RPS6KA2: variants seen among roughly 807,000 people sequenced by gnomAD.
RPS6KA2 encodes the protein ribosomal protein S6 kinase alpha-2.
In RPS6KA2, 42 loss-of-function variants were observed where a neutral mutation model predicts 91.8. The observed-to-expected ratio is 0.46, with a 90% CI of 0.36 to 0.59. RPS6KA2 has a LOEUF of 0.59. Among genes scored for constraint, RPS6KA2 ranks in the 20% least tolerant of loss-of-function variants. The pLI is 0.00. For missense variants in RPS6KA2, 798 were observed against 978.5 expected, an observed-to-expected ratio of 0.82 and a Z score of 2.46; for synonymous variants, 414 against 393.6, an observed-to-expected ratio of 1.05 and a Z score of -0.61.
rs1790705574 is a variant in RPS6KA2, at chr6:166,737,625, A to G, written c.123+120575T>C. Among the ~76,000 whole-genome samples the G allele has an allele frequency of 6.6e-6, 1 of 152,284 alleles. No homozygotes were observed. Among genetic ancestry groups the G allele is most frequent in the Admixed American group, 6.5e-5 (1 of 15,292 alleles). ...TACTGACTCCTTTTAAGCTTCTAAG[A>G]CATTCACTGAGGGGCCCCTCCCAGC... On this transcript the variant is annotated intron_variant, in intron 2 of 21. Coordinates refer to the RPS6KA2 transcript ENST00000503859. This position sits in a 1 kb window ranked among gnomAD's most constrained non-coding sequence, Gnocchi z 4.3.
chr6:166,517,455 G>GTTTTTTTTTTTT (rs71032809), intron 3 of RPS6KA2, among the ~76,000 whole-genome samples: 7 of 104,934 alleles, frequency 6.7e-5, no homozygotes, highest in African/African-American at 1.3e-4. Flanking sequence ...CTTTTGTTTT[G>GTTTTTTTTTTTT]TTTTTTTTTT....
intron 1 of RPS6KA2, among the ~76,000 whole-genome samples, chr6:166,601,757 T>C (rs1004206160): frequency 2.0e-5 from 3 of 152,178 alleles, no homozygotes; most frequent in Non-Finnish European, 2.9e-5. Context: ...ATGCAAGTCA[T>C]TAAAGACCAA....
intron 2 of RPS6KA2, among the ~76,000 whole-genome samples, chr6:166,711,080 G>A (rs1789831648): frequency 6.6e-6 from 1 of 151,746 alleles, no homozygotes; most frequent in African/African-American, 2.4e-5. Context: ...CCCCAGGGGT[G>A]GTGTCCACTG....
chr6:166,430,296 G>A lies in RPS6KA2; in HGVS notation c.1581+157C>T, dbSNP rs115257979. Among the ~76,000 whole-genome samples, 685 of 152,120 alleles carry A rather than the reference G, an allele frequency of 4.5e-3. 10 individuals carry two copies. The highest frequency in any genetic ancestry group is 0.016 in the African/African-American group (661 of 41,484). On this transcript the variant is annotated intron_variant, in intron 16 of 20. Coordinates refer to ENST00000265678, the MANE Select transcript of RPS6KA2 (RefSeq NM_021135.6). ...AAGAGAATTTTTCTTCCCTTGCACC[G>A]TCACTGAGCCTCCAGACACAAGAGA... is the stretch of plus-strand genomic sequence containing the variant.
At chr6:166,657,064 C>T (rs1408534802) in intron 2 of RPS6KA2, among the ~76,000 whole-genome samples, 2 of 152,086 alleles carry the variant, frequency 1.3e-5, no homozygotes, top group South Asian at 4.1e-4. Context: ...CGGGAAGAGC[C>T]CCACCCCCAA....
intron 1 of RPS6KA2, chr6:166,586,245 C>T (rs1583302895): frequency 2.5e-6 from 4 of 1,595,316 alleles, no homozygotes; most frequent in East Asian, 2.2e-5. Context: ...CTGATTGGAT[C>T]GATTGTCACT....
chr6:166,838,509 C>G (rs892682452), intron 2 of RPS6KA2, among the ~76,000 whole-genome samples: 1 of 151,920 alleles, frequency 6.6e-6, no homozygotes, highest in South Asian at 2.1e-4. Context: ...AAAACAAAAT[C>G]AAAAAAAGTT....
chr6:166,760,128 T>G (rs773533922), intron 2 of RPS6KA2, among the ~76,000 whole-genome samples: 1 of 152,246 alleles, frequency 6.6e-6, no homozygotes. Context: ...TTTGGCTATC[T>G]GTAACCTATT....
chr6:166,647,411 G>A (rs1787640486), intron 2 of RPS6KA2, among the ~76,000 whole-genome samples: 1 of 152,086 alleles, frequency 6.6e-6, no homozygotes, highest in Non-Finnish European at 1.5e-5. Context: ...TGGGGATGTG[G>A]GCCTCCAGGA....
At chr6:166,810,401 T>C (rs929824596) in intron 2 of RPS6KA2, among the ~76,000 whole-genome samples, 9 of 152,148 alleles carry the variant, frequency 5.9e-5, no homozygotes, top group Admixed American at 4.6e-4. Flanking sequence ...CCCACGAGGA[T>C]ATTTGCCTCT....
chr6:166,459,451 G>A lies in RPS6KA2; in HGVS notation c.1073C>T (p.Thr358Ile), dbSNP rs777679632. The change falls in exon 12 of 21, where the codon ACA becomes ATA. Residue 358 changes from threonine (T) to isoleucine (I), a missense_variant and splice_region_variant. Coordinates refer to ENST00000265678, the MANE Select transcript of RPS6KA2 (RefSeq NM_021135.6). This position sits in a 1 kb window ranked among gnomAD's most constrained non-coding sequence, Gnocchi z 4.9. ...GAGGGAACCACTGTGGCACACACCTGTGGGCGTCCGCGCTGTGAACTCGGG... is the reference window on the plus strand; with the variant it reads ...GAGGGAACCACTGTGGCACACACCTATGGGCGTCCGCGCTGTGAACTCGGG... ...FDPEFTARTP[T>I]DSPGVPPSAN... 1.9e-6 allele frequency: 3 copies of A among 1,611,700 alleles called. No individual in the cohort carries two copies. Among genetic ancestry groups the A allele is most frequent in the Non-Finnish European group, 2.5e-6 (3 of 1,177,918 alleles).
chr6:166,812,071 C>A (rs767232349), intron 2 of RPS6KA2, among the ~76,000 whole-genome samples: 19 of 152,210 alleles, frequency 1.2e-4, no homozygotes, highest in African/African-American at 4.1e-4. Context: ...TGAAAGCAAG[C>A]GGGTCGGTTG....
At chr6:166,474,623 A>C (rs879453051) in intron 10 of RPS6KA2, among the ~76,000 whole-genome samples, 5 of 144,980 alleles carry the variant, frequency 3.4e-5, no homozygotes, top group Non-Finnish European at 7.4e-5. Context: ...CTGGGGGGGA[A>C]GTCGGGAGAT....
intron 2 of RPS6KA2, among the ~76,000 whole-genome samples, chr6:166,715,600 T>C (rs550590185): frequency 1.3e-5 from 2 of 152,340 alleles, no homozygotes; most frequent in Non-Finnish European, 2.9e-5. Context: ...TTAGGTGATT[T>C]TGTTGTTGTG....
At chr6:166,558,459 A>G (rs1159668230) in intron 1 of RPS6KA2, among the ~76,000 whole-genome samples, 1 of 152,190 alleles carries the variant, frequency 6.6e-6, no homozygotes, top group Non-Finnish European at 1.5e-5. Flanking sequence ...ACACCCTCAC[A>G]GACATACCCA....
In RPS6KA2 at chr6:166,435,527, C is replaced by T. The variant is rs1230913704; in HGVS notation, c.1333-3037G>A. On this transcript the variant is annotated intron_variant, in intron 14 of 20. Coordinates refer to ENST00000265678, the MANE Select transcript of RPS6KA2 (RefSeq NM_021135.6). The surrounding 1 kb of genome is among the most constrained non-coding windows in gnomAD (Gnocchi z 4.3). ...CACCTCTGTCAACAACCAAACACCA[C>T]ACACCAGCTGTTCGCTGAGGTGGCA... Among the ~76,000 whole-genome samples the T allele has an allele frequency of 3.3e-5, 5 of 152,236 alleles. No homozygotes were observed. The highest frequency in any genetic ancestry group is 1.2e-4 in the African/African-American group (5 of 41,458).
At chr6:166,551,049 T>A in intron 1 of RPS6KA2, among the ~76,000 whole-genome samples, 1 of 150,850 alleles carries the variant, frequency 6.6e-6, no homozygotes, top group Non-Finnish European at 1.5e-5. Flanking sequence ...TAACACTAAT[T>A]AGATAACTGA....
chr6:166,751,803 A>T (rs1337182590), intron 2 of RPS6KA2, among the ~76,000 whole-genome samples: 1 of 152,250 alleles, frequency 6.6e-6, no homozygotes, highest in Non-Finnish European at 1.5e-5. Context: ...TAGGAAATCT[A>T]CAGAATGAGC....
upstream of RPS6KA2, among the ~76,000 whole-genome samples, chr6:166,629,011 G>A (rs1020724733): frequency 6.6e-6 from 1 of 152,220 alleles, no homozygotes; most frequent in African/African-American, 2.4e-5. Flanking sequence ...GGTTCTGCTG[G>A]GAGGGTAGTA....
Sources: allele counts gnomAD v4.1 joint callset (sites outside exome capture counted in the v4.1 genomes callset), GRCh38; gene constraint gnomAD v4.1.1; non-coding constraint Gnocchi (gnomAD v3.1); transcripts MANE v1.5; gene names NCBI Gene and HGNC (gene_info 2026-07-23, HGNC 2026-07-21).